FRYL: variants seen among roughly 807,000 people sequenced by gnomAD.
FRYL encodes protein furry homolog-like.
FRYL carries 150 observed loss-of-function variants against 351.2 expected under a neutral mutation model. The observed-to-expected ratio is 0.43, with a 90% CI of 0.37 to 0.49. The LOEUF (loss-of-function observed/expected upper bound fraction) is 0.49, where lower values mean the gene tolerates loss of function less well. Among genes scored for constraint, FRYL ranks in the 20% least tolerant of loss-of-function variants. The probability of loss-of-function intolerance (pLI) is 0.00; values close to 1 mark genes in which losing one functional copy is unlikely to be tolerated. For synonymous variants in FRYL, 1,153 were observed against 1,257.1 expected (o/e 0.92, Z 1.75); for missense variants, 3,036 against 3,619.3 (o/e 0.84, Z 4.13).
At chr4:48,586,852 A>G (rs1742199335) in intron 18 of FRYL, 124 bp from the exon 19 acceptor site, 1 of 595,694 alleles carries the variant, frequency 1.7e-6, no homozygotes, top group South Asian at 2.0e-5. Context: ...TTAATATTTT[A>G]AAAATGCACA....
chr4:48,716,507 C>CA (rs1381706245), intron 1 of FRYL, among the ~76,000 whole-genome samples: 1 of 151,412 alleles, frequency 6.6e-6, no homozygotes, highest in African/African-American at 2.4e-5. Flanking sequence ...TTTATGCAGC[C>CA]AAAAAACACA....
At chr4:48,613,828 T>G (rs57893769) in intron 7 of FRYL, among the ~76,000 whole-genome samples, 4,438 of 151,934 alleles carry the variant, frequency 0.029, 80 homozygotes, top group Admixed American at 0.047. Context: ...TGGTAGCACA[T>G]GCCTATAATC....
intron 59 of FRYL, among the ~76,000 whole-genome samples, chr4:48,509,623 A>C (rs1722054737): frequency 6.6e-6 from 1 of 152,218 alleles, no homozygotes; most frequent in Non-Finnish European, 1.5e-5. Context: ...GACTTGAAGA[A>C]GCCTTTCTTA....
intron 2 of FRYL, among the ~76,000 whole-genome samples, chr4:48,693,906 C>T (rs1300543583): frequency 1.3e-5 from 2 of 152,216 alleles, no homozygotes; most frequent in Admixed American, 1.3e-4. Context: ...AATCCAAATT[C>T]TCTTGGTGAC....
chr4:48,671,889 A>AAG (rs1762815705), intron 3 of FRYL, among the ~76,000 whole-genome samples: 4 of 148,612 alleles, frequency 2.7e-5, no homozygotes, highest in Non-Finnish European at 6.0e-5. Context: ...AAAAAAAAAA[A>AAG]AAGAAGGAAA....
chr4:48,758,883 A>G (rs1450431191), intron 1 of FRYL, among the ~76,000 whole-genome samples: 1 of 152,222 alleles, frequency 6.6e-6, no homozygotes, highest in Non-Finnish European at 1.5e-5. Context: ...CATATACACC[A>G]TGGAATACTA....
At chr4:48,612,709 G>A (rs1471759546) in intron 7 of FRYL, among the ~76,000 whole-genome samples, 1 of 151,704 alleles carries the variant, frequency 6.6e-6, no homozygotes, top group East Asian at 1.9e-4. Context: ...CTCCCAAGTA[G>A]CTGGGACTAC....
rs202080800 is a variant in FRYL, at chr4:48,502,033, A to T, written c.8482-300T>A. ...CTTTAAAAAGGATTCATTAGAATTT[A>T]AAACTTTAAATTCATAATTAAAATA... On this transcript the variant is annotated intron_variant, in intron 61 of 63. Coordinates refer to ENST00000358350, the MANE Select transcript of FRYL (RefSeq NM_015030.2). Among the ~76,000 whole-genome samples, 3 of 152,380 alleles carry T rather than the reference A, an allele frequency of 2.0e-5. No homozygotes were observed. In the East Asian group the frequency reaches 5.8e-4, roughly 29 times the overall value.
At chr4:48,628,222 T>C (rs558062504) in intron 4 of FRYL, among the ~76,000 whole-genome samples, 2 of 152,338 alleles carry the variant, frequency 1.3e-5, no homozygotes, top group African/African-American at 2.4e-5. Flanking sequence ...CCTGTAGCAT[T>C]TCTTTAAAGC....
At chr4:48,620,340 C>T (rs1188207085) in intron 6 of FRYL, among the ~76,000 whole-genome samples, 2 of 152,162 alleles carry the variant, frequency 1.3e-5, no homozygotes, top group Admixed American at 1.3e-4. Flanking sequence ...AACTTTATGA[C>T]TATTAAAAGC....
At chr4:48,571,997 A>G in intron 26 of FRYL, 1 of 985,286 alleles carries the variant, frequency 1.0e-6, no homozygotes, top group African/African-American at 1.7e-5. Context: ...ATTCTGAAAC[A>G]AAAATCAAAT....
At chr4:48,758,188 G>A (rs1176025984) in intron 1 of FRYL, among the ~76,000 whole-genome samples, 2 of 152,184 alleles carry the variant, frequency 1.3e-5, no homozygotes, top group Non-Finnish European at 2.9e-5. Flanking sequence ...AGGACTTCAT[G>A]TCTAAAACAC....
chr4:48,623,071 A>G, intron 5 of FRYL, 55 bp downstream of exon 5: 1 of 1,075,548 alleles, frequency 9.3e-7, no homozygotes, highest in Non-Finnish European at 1.4e-6. Flanking sequence ...GGGCCAGACT[A>G]TTAGGATGAA....
intron 1 of FRYL, among the ~76,000 whole-genome samples, chr4:48,722,978 C>T (rs933211476): frequency 6.6e-6 from 1 of 152,174 alleles, no homozygotes; most frequent in African/African-American, 2.4e-5. Flanking sequence ...ATCAGTTTCA[C>T]GGTGACAAAA....
chr4:48,646,551 A>G (rs1756507138), intron 3 of FRYL, among the ~76,000 whole-genome samples: 1 of 152,210 alleles, frequency 6.6e-6, no homozygotes, highest in South Asian at 2.1e-4. Flanking sequence ...ACCCATTCTC[A>G]TCCTGCAAAA....
chr4:48,779,730 C>A (rs1384685908), intron 1 of FRYL, among the ~76,000 whole-genome samples: 1 of 151,766 alleles, frequency 6.6e-6, no homozygotes, highest in Non-Finnish European at 1.5e-5. Flanking sequence ...GCGAGGGGTA[C>A]CCGGGCGCGC....
At chr4:48,683,861 C>T (rs965239891) in intron 3 of FRYL, among the ~76,000 whole-genome samples, 1 of 152,170 alleles carries the variant, frequency 6.6e-6, no homozygotes, top group East Asian at 1.9e-4. Flanking sequence ...ATTCCTTTCT[C>T]CCCCTCTCTC....
chr4:48,553,662 A>AAAAAAAAAAAAC (rs1733402730), intron 35 of FRYL, among the ~76,000 whole-genome samples: 1 of 118,656 alleles, frequency 8.4e-6, no homozygotes, highest in Non-Finnish European at 1.9e-5. Context: ...TAAAAAAAAA[A>AAAAAAAAAAAAC]AAAAAAAAAA....
At position 48,540,585 on chromosome 4, in the gene FRYL, C is replaced by G; in HGVS notation, c.6063G>C (p.Leu2021=). ...LESDYEYEYL[L]ALRLLNKLLI... Reference sequence around the variant, plus strand: ...GCAGTTTGTTGAGAAGCCTGAGAGCCAGGAGGTATTCATATTCATAATCTG... The same window carrying G: ...GCAGTTTGTTGAGAAGCCTGAGAGCGAGGAGGTATTCATATTCATAATCTG... Residue 2021 remains leucine (L), a synonymous_variant, in exon 46 of 64, where the codon CTG becomes CTC. Transcript: ENST00000358350. 1 of 1,613,952 alleles carries G rather than the reference C, an allele frequency of 6.2e-7. No individual in the cohort carries two copies. The highest frequency in any genetic ancestry group is 1.1e-5 in the South Asian group (1 of 91,064).
Sources: gnomAD v4.1 joint callset for allele counts (sites outside exome capture counted in the v4.1 genomes callset) on GRCh38, gnomAD v4.1.1 for gene constraint, MANE v1.5 for transcripts, NCBI Gene and HGNC (gene_info 2026-07-23, HGNC 2026-07-21) for gene names.